SUFU: variants seen among roughly 807,000 people sequenced by gnomAD.
The protein encoded by SUFU is SUFU negative regulator of hedgehog signaling.
Under a neutral mutation model 58.9 loss-of-function variants are expected in SUFU, and 7 were observed. The ratio of observed to expected loss-of-function variants is 0.12; its 90% confidence interval spans 0.07 to 0.22. The LOEUF (loss-of-function observed/expected upper bound fraction) is 0.22, where lower values mean the gene tolerates loss of function less well. Among genes scored for constraint, SUFU ranks in the 10% least tolerant of loss-of-function variants. The probability of loss-of-function intolerance (pLI) is 1.00; values close to 1 mark genes in which losing one functional copy is unlikely to be tolerated. For synonymous variants in SUFU, 232 were observed against 254.8 expected (o/e 0.91, Z 0.85); for missense variants, 451 against 641.3 (o/e 0.70, Z 3.20).
chr10:102,602,946 G>T (rs1051728703), intron 8 of SUFU, among the ~76,000 whole-genome samples: 1 of 152,150 alleles, frequency 6.6e-6, no homozygotes, highest in African/African-American at 2.4e-5. Flanking sequence ...GGGTGAGTTT[G>T]GGAAGGATGG....
chr10:102,590,412 G>A (rs2063387250), intron 3 of SUFU, among the ~76,000 whole-genome samples: 1 of 151,972 alleles, frequency 6.6e-6, no homozygotes, highest in Admixed American at 6.6e-5. Context: ...TGATCCGCGT[G>A]CCTCGGCCTC....
chr10:102,608,394 C>G (rs916719935), intron 8 of SUFU, among the ~76,000 whole-genome samples: 1 of 152,176 alleles, frequency 6.6e-6, no homozygotes, highest in Non-Finnish European at 1.5e-5. Context: ...TGAGCTGTTA[C>G]AGTTTACCCT....
chr10:102,587,338 C>T (rs1336101330), intron 3 of SUFU, among the ~76,000 whole-genome samples: 1 of 152,174 alleles, frequency 6.6e-6, no homozygotes, highest in African/African-American at 2.4e-5. Context: ...CACACGGATT[C>T]CAAATTCTTT....
Position 102,619,261 on chromosome 10 carries a change from T to C in SUFU, c.1296+1833T>C. On this transcript the variant is annotated intron_variant, in intron 10 of 11. Transcript: ENST00000369902. This position sits in a 1 kb window ranked among gnomAD's most constrained non-coding sequence, Gnocchi z 4.2. Reference sequence around the variant, plus strand: ...CCAATTCCCCAAGCCCCTGACCCCCTAGCTGCCGGGGTTCCCACTCCCAGT... The same window carrying C: ...CCAATTCCCCAAGCCCCTGACCCCCCAGCTGCCGGGGTTCCCACTCCCAGT... 3 of 1,375,804 alleles carry C rather than the reference T, an allele frequency of 2.2e-6. No individual in the cohort carries two copies. Among genetic ancestry groups the C allele is most frequent in the Non-Finnish European group, 2.9e-6 (3 of 1,045,464 alleles). 85.2% of individuals were successfully genotyped at this position (1,375,804 alleles called of 1,614,324 possible).
At chr10:102,515,233 T>C (rs1280226994) in intron 2 of SUFU, among the ~76,000 whole-genome samples, 1 of 152,086 alleles carries the variant, frequency 6.6e-6, no homozygotes, top group Non-Finnish European at 1.5e-5. Context: ...GATTAACTTT[T>C]CCACTTGTTG....
At chr10:102,522,101 T>G (rs2062558491) in intron 2 of SUFU, among the ~76,000 whole-genome samples, 1 of 152,242 alleles carries the variant, frequency 6.6e-6, no homozygotes, top group African/African-American at 2.4e-5. Context: ...TGCTTAACGC[T>G]GTTGTCTGAA....
At chr10:102,549,068 G>C (rs558081712) in intron 2 of SUFU, among the ~76,000 whole-genome samples, 22 of 152,262 alleles carry the variant, frequency 1.4e-4, no homozygotes, top group Admixed American at 6.5e-4. Context: ...TTTGGAATCT[G>C]CCTTAGGACC....
At chr10:102,519,422 G>A (rs140391749) in intron 2 of SUFU, among the ~76,000 whole-genome samples, 6,576 of 151,792 alleles carry the variant, frequency 0.043, 455 homozygotes, top group African/African-American at 0.15. Flanking sequence ...AGCTCTTCAG[G>A]AGGCTGAGGC....
intron 2 of SUFU, among the ~76,000 whole-genome samples, chr10:102,532,249 G>A (rs901802082): frequency 2.0e-5 from 3 of 152,290 alleles, no homozygotes; most frequent in African/African-American, 4.8e-5. Flanking sequence ...GATTGCAGGC[G>A]TGAGCCACCA....
At chr10:102,545,653 C>G (rs987760840) in intron 2 of SUFU, among the ~76,000 whole-genome samples, 6 of 152,160 alleles carry the variant, frequency 3.9e-5, no homozygotes, top group African/African-American at 4.8e-5. Flanking sequence ...CAGTAGCTCA[C>G]TGTGGTTTTG....
At chr10:102,523,307 T>G (rs1388594859) in intron 2 of SUFU, among the ~76,000 whole-genome samples, 1 of 152,206 alleles carries the variant, frequency 6.6e-6, no homozygotes, top group African/African-American at 2.4e-5. Context: ...AACCCTCATG[T>G]GATACCTGGG....
chr10:102,503,617 C>T (rs780465615), upstream of SUFU, among the ~76,000 whole-genome samples: 1 of 152,186 alleles, frequency 6.6e-6, no homozygotes, highest in Non-Finnish European at 1.5e-5. Context: ...TCTATTAATA[C>T]TAACGCCCCA....
intron 7 of SUFU, among the ~76,000 whole-genome samples, 177 bp downstream of exon 7, chr10:102,597,470 T>C (rs544818424): frequency 6.1e-4 from 93 of 152,370 alleles, no homozygotes; most frequent in African/African-American, 2.2e-3. Context: ...GGGAGCTTTA[T>C]TGGCCCATTC....
chr10:102,575,568 C>A (rs2063204924), intron 3 of SUFU, among the ~76,000 whole-genome samples: 1 of 152,176 alleles, frequency 6.6e-6, no homozygotes, highest in African/African-American at 2.4e-5. Flanking sequence ...ACTTATTAAT[C>A]TATATATGAG....
intron 2 of SUFU, among the ~76,000 whole-genome samples, chr10:102,532,530 G>T (rs2062688530): frequency 6.6e-6 from 1 of 152,178 alleles, no homozygotes; most frequent in South Asian, 2.1e-4. Context: ...GCTCCAGTGG[G>T]GAAGGATCTG....
At position 102,617,461 on chromosome 10, in the gene SUFU, T is replaced by C. The variant is rs763378270; in HGVS notation, c.1296+33T>C. 6.2e-7 allele frequency: 1 copy of C among 1,613,968 alleles called. No homozygotes were observed. The highest frequency in any genetic ancestry group is 8.5e-7 in the Non-Finnish European group (1 of 1,179,828). ...GGCCCTTTTTCTTCTCCCTCCTTCC[T>C]TTCATAGACTTCCTTGCCCACCCCT... On this transcript the variant is annotated intron_variant, in intron 10 of 11. Coordinates refer to ENST00000369902, the MANE Select transcript of SUFU (RefSeq NM_016169.4). The surrounding 1 kb of genome is among the most constrained non-coding windows in gnomAD (Gnocchi z 4.4).
chr10:102,513,629 G>T (rs2062428033), intron 2 of SUFU, among the ~76,000 whole-genome samples: 1 of 152,242 alleles, frequency 6.6e-6, no homozygotes, highest in South Asian at 2.1e-4. Flanking sequence ...GTAACTTCTA[G>T]TGAGGCTGCT....
chr10:102,579,305 C>T (rs2063248449), intron 3 of SUFU, among the ~76,000 whole-genome samples: 1 of 152,172 alleles, frequency 6.6e-6, no homozygotes, highest in Non-Finnish European at 1.5e-5. Flanking sequence ...GTGTCAGGTC[C>T]ACAGTCTATC....
At chr10:102,595,076 T>C (rs2063448012) in intron 6 of SUFU, among the ~76,000 whole-genome samples, 1 of 152,164 alleles carries the variant, frequency 6.6e-6, no homozygotes, top group Non-Finnish European at 1.5e-5. Context: ...CAGCTAATAA[T>C]GTTACCTGCC....
Sources: gnomAD v4.1 joint callset for allele counts (sites outside exome capture counted in the v4.1 genomes callset) on GRCh38, gnomAD v4.1.1 for gene constraint, Gnocchi (gnomAD v3.1) non-coding constraint, MANE v1.5 for transcripts, NCBI Gene and HGNC (gene_info 2026-07-23, HGNC 2026-07-21) for gene names.